The following LOC128706665 variants were observed in gnomAD, a reference collection of about 807,000 sequenced individuals.
the LOC128706665 span, among the ~76,000 whole-genome samples, chr20:10,428,568 G>A: frequency 1.5e-3 from 231 of 152,322 alleles, no homozygotes; most frequent in African/African-American, 5.2e-3. Flanking sequence ...GCTGGGCGCG[G>A]TGGCTCACGC....
chr20:10,431,703 G>A, the LOC128706665 span: 4 of 152,110 alleles, frequency 2.6e-5, no homozygotes, highest in East Asian at 5.8e-4. Context: ...AGTTACGGCA[G>A]GGAGTCAAGA....
chr20:10,427,740 A>G, the LOC128706665 span, among the ~76,000 whole-genome samples: 1 of 152,240 alleles, frequency 6.6e-6, no homozygotes, highest in Non-Finnish European at 1.5e-5. Context: ...ATCACCTAAA[A>G]TAACACTCAT....
the LOC128706665 span, among the ~76,000 whole-genome samples, chr20:10,416,870 T>C: frequency 1.3e-5 from 2 of 152,320 alleles, no homozygotes; most frequent in Admixed American, 1.3e-4. Context: ...TGCTCATTAA[T>C]TTGTGTACTG....
At chr20:10,432,711 G>T in the LOC128706665 span, among the ~76,000 whole-genome samples, 1 of 142,846 alleles carries the variant, frequency 7.0e-6, no homozygotes, top group African/African-American at 2.6e-5. Flanking sequence ...AGGGAGAATT[G>T]CTTGAACCCG....
the LOC128706665 span, among the ~76,000 whole-genome samples, chr20:10,422,070 T>C: frequency 0.14 from 21,761 of 152,082 alleles, 1,750 homozygotes; most frequent in East Asian, 0.24. Context: ...CAAAACACAA[T>C]AGTACTGAGT....
At chr20:10,425,053 C>CA in the LOC128706665 span, among the ~76,000 whole-genome samples, 382 of 122,272 alleles carry the variant, frequency 3.1e-3, 1 homozygote, top group African/African-American at 7.0e-3. Context: ...AACTCCGTCT[C>CA]AAAAAAAAAA....
the LOC128706665 span, among the ~76,000 whole-genome samples, chr20:10,420,196 G>C: frequency 6.6e-6 from 1 of 152,042 alleles, no homozygotes; most frequent in African/African-American, 2.4e-5. Context: ...AACACTAATA[G>C]AAGAAAATAA....
At chr20:10,414,815 A>T in the LOC128706665 span, among the ~76,000 whole-genome samples, 1 of 152,190 alleles carries the variant, frequency 6.6e-6, no homozygotes, top group African/African-American at 2.4e-5. Context: ...CCAAAAAACA[A>T]ACCATGTTTT....
At chr20:10,422,528 C>CT in the LOC128706665 span, among the ~76,000 whole-genome samples, 9 of 152,034 alleles carry the variant, frequency 5.9e-5, no homozygotes, top group Non-Finnish European at 1.3e-4. Context: ...GGGCTACTTA[C>CT]TTATAGGAGG....
chr20:10,416,753 T>C, the LOC128706665 span, among the ~76,000 whole-genome samples: 1 of 152,176 alleles, frequency 6.6e-6, no homozygotes, highest in African/African-American at 2.4e-5. Flanking sequence ...CAACCCCTAA[T>C]GAAATAGTGC....
chr20:10,422,940 T>C, the LOC128706665 span, among the ~76,000 whole-genome samples: 1 of 152,056 alleles, frequency 6.6e-6, no homozygotes, highest in Non-Finnish European at 1.5e-5. Context: ...CTCGATCTCC[T>C]GACCTTGCGA....
chr20:10,416,837 G>C, the LOC128706665 span, among the ~76,000 whole-genome samples: 1 of 152,180 alleles, frequency 6.6e-6, no homozygotes, highest in African/African-American at 2.4e-5. Flanking sequence ...TTTTGTAAAT[G>C]AAGTTTTATT....
the LOC128706665 span, among the ~76,000 whole-genome samples, chr20:10,417,868 TA>T: frequency 4.6e-5 from 7 of 152,140 alleles, no homozygotes; most frequent in African/African-American, 1.4e-4. Flanking sequence ...AGGAAATTGT[TA>T]AATGACAAGA....
the LOC128706665 span, among the ~76,000 whole-genome samples, chr20:10,418,118 T>C: frequency 3.3e-5 from 5 of 152,206 alleles, no homozygotes; most frequent in African/African-American, 1.2e-4. Flanking sequence ...ATAATGCAAA[T>C]GTGTTTGTGT....
chr20:10,429,433 T>C, the LOC128706665 span, among the ~76,000 whole-genome samples: 750 of 152,314 alleles, frequency 4.9e-3, 6 homozygotes, highest in African/African-American at 0.017. Context: ...GCATCCACTC[T>C]GGCTCTCACA....
At chr20:10,429,353 T>C in the LOC128706665 span, among the ~76,000 whole-genome samples, 1 of 152,312 alleles carries the variant, frequency 6.6e-6, no homozygotes, top group Admixed American at 6.5e-5. Flanking sequence ...TTCATCCTTA[T>C]CAAAGATCTG....
At chr20:10,414,265 C>CTTTTTTTTTTTT in the LOC128706665 span, among the ~76,000 whole-genome samples, 1 of 132,360 alleles carries the variant, frequency 7.6e-6, no homozygotes, top group Non-Finnish European at 1.6e-5. Context: ...GTCTCTGAGT[C>CTTTTTTTTTTTT]TTTTTTTTTT....
chr20:10,416,174 T>C, the LOC128706665 span, among the ~76,000 whole-genome samples: 1 of 152,150 alleles, frequency 6.6e-6, no homozygotes, highest in African/African-American at 2.4e-5. Context: ...GTTGCAGTGA[T>C]GGATAACTTA....
chr20:10,422,293 C>G, the LOC128706665 span, among the ~76,000 whole-genome samples: 1 of 152,082 alleles, frequency 6.6e-6, no homozygotes, highest in South Asian at 2.1e-4. Context: ...ATGGCCTTTT[C>G]CTTTTCTAAC....
Sources: allele counts gnomAD v4.1 joint callset (sites outside exome capture counted in the v4.1 genomes callset), GRCh38; gene constraint gnomAD v4.1.1; transcripts MANE v1.5.